PNPLA7: variants seen among roughly 807,000 people sequenced by gnomAD.
PNPLA7 encodes the protein patatin-like phospholipase domain-containing protein 7.
In PNPLA7, 153 loss-of-function variants were observed where a neutral mutation model predicts 161.7. That is an observed-to-expected ratio of 0.95 (90% CI 0.83 to 1.08). The LOEUF is 1.08. PNPLA7 is among the 50% of genes least tolerant of loss of function. The pLI is 0.00. For missense variants in PNPLA7, 1,739 were observed against 1,856.6 expected, an observed-to-expected ratio of 0.94 and a Z score of 1.16; for synonymous variants, 809 against 782.1, an observed-to-expected ratio of 1.03 and a Z score of -0.57.
rs142136906 is a variant in PNPLA7 at position 137,492,035 on chromosome 9, C to T, written c.2197+978G>A. On this transcript the variant is annotated intron_variant, in intron 20 of 34. Coordinates refer to ENST00000406427, the MANE Select transcript of PNPLA7 (RefSeq NM_001098537.3). ...GGCAGAAGGCAGGAGAGAGGAGCTC[C>T]CAGAATGGCAAGGGGATCTGGGGTC... 1,169 of 985,326 alleles carry T rather than the reference C, an allele frequency of 1.2e-3. 1 individual carries two copies. The highest frequency in any genetic ancestry group is 1.3e-3 in the Non-Finnish European group (1,117 of 829,906). The allele number at this position is 985,326 out of a possible 1,614,324, so 61.0% of individuals were successfully genotyped here.
rs200121149 is a variant in PNPLA7, at chr9:137,540,677, C to T, written c.712G>A (p.Val238Ile). 17 of 1,611,986 alleles carry T rather than the reference C, an allele frequency of 1.1e-5. No homozygotes were observed. The highest frequency in any genetic ancestry group is 3.3e-5 in the Admixed American group (2 of 59,858). The change falls in exon 8 of 35, where the codon GTC becomes ATC. Residue 238 changes from valine (V) to isoleucine (I), a missense_variant. By Grantham distance (29) the Val-to-Ile change is conservative. Transcript: ENST00000406427. The surrounding 1 kb of genome is among the most constrained non-coding windows in gnomAD (Gnocchi z 5.1). ...TCCAGGATGCTGAGCAGGCTGTGGA[C>T]GCTGTCTCCCGCCAGAACCTCTTTC... is the stretch of plus-strand genomic sequence containing the variant. Reference protein sequence around the residue: ...VVKEVLAGDSVHSLLSILDII... With the variant: ...VVKEVLAGDSIHSLLSILDII...
rs1831110336 is a variant in PNPLA7, at chr9:137,460,279, G to C, written c.*114C>G. 2.8e-6 allele frequency: 3 copies of C among 1,089,356 alleles called. No homozygotes were observed. Among genetic ancestry groups the C allele is most frequent in the Non-Finnish European group, 3.9e-6 (3 of 764,534 alleles). The allele number at this position is 1,089,356 out of a possible 1,614,324, so 67.5% of individuals were successfully genotyped here. A position where few individuals can be genotyped will look rare whatever the true frequency, so the allele number is the denominator to read the frequency against. ...CCCTAACACAGCCTGGGGCCCCGGG[G>C]AAGTCAGGGCTTCCAGCAGGGCAGG... On this transcript the variant is annotated 3_prime_UTR_variant, in exon 35 of 35. Transcript: ENST00000406427.
At chr9:137,463,621 G>T in intron 28 of PNPLA7, 90 bp from the exon 29 acceptor site, 1 of 957,986 alleles carries the variant, frequency 1.0e-6, no homozygotes, top group Non-Finnish European at 1.6e-6. Flanking sequence ...TCCTGGAGCT[G>T]GTAGGTCCCA....
At chr9:137,506,248 T>C (rs1157752102) in intron 12 of PNPLA7, among the ~76,000 whole-genome samples, 165 bp from the exon 13 acceptor site, 1 of 152,238 alleles carries the variant, frequency 6.6e-6, no homozygotes, top group Non-Finnish European at 1.5e-5. Context: ...TTTCGGCATC[T>C]GCCTCAATGG....
intron 14 of PNPLA7, among the ~76,000 whole-genome samples, chr9:137,504,832 G>T (rs947401339): frequency 6.6e-6 from 1 of 152,142 alleles, no homozygotes; most frequent in Non-Finnish European, 1.5e-5. Flanking sequence ...TGGTAATTAC[G>T]GAATTGGGTG....
At chr9:137,485,956 A>G (rs540529416) in intron 20 of PNPLA7, among the ~76,000 whole-genome samples, 20 of 152,074 alleles carry the variant, frequency 1.3e-4, no homozygotes, top group African/African-American at 4.6e-4. Context: ...CTGCTTCCAC[A>G]GAAGAGGTTG....
At position 137,541,440 on chromosome 9, in the gene PNPLA7, G is replaced by A. The variant is rs919490993; in HGVS notation, c.667-718C>T. 3.0e-6 allele frequency: 3 copies of A among 985,346 alleles called. No homozygotes were observed. The highest frequency in any genetic ancestry group is 3.5e-5 in the African/African-American group (2 of 57,246). The allele number at this position is 985,346 out of a possible 1,614,324, so 61.0% of individuals were successfully genotyped here. A position where few individuals can be genotyped will look rare whatever the true frequency, so the allele number is the denominator to read the frequency against. On this transcript the variant is annotated intron_variant, in intron 7 of 34. Coordinates refer to ENST00000406427, the MANE Select transcript of PNPLA7 (RefSeq NM_001098537.3). The surrounding 1 kb of genome is among the most constrained non-coding windows in gnomAD (Gnocchi z 4.4). ...ACCTGAGAACCAAATAATTTGCCCAGCAGCGCTTTTGGTCTAGAAACCCCG... is the reference window on the plus strand; with the variant it reads ...ACCTGAGAACCAAATAATTTGCCCAACAGCGCTTTTGGTCTAGAAACCCCG...
chr9:137,466,771 C>T (rs1588535650), intron 26 of PNPLA7, among the ~76,000 whole-genome samples: 2 of 148,676 alleles, frequency 1.3e-5, no homozygotes, highest in Non-Finnish European at 3.0e-5. Flanking sequence ...CGGATCAGAC[C>T]GCCTCCCACC....
At position 137,497,331 on chromosome 9, in the gene PNPLA7, C is replaced by T. The variant is rs187756030; in HGVS notation, c.1890-21G>A. ...CCTGCCTGCGGAAGACACAGAGGCCCTGCAGCCCTGGGCCCCCAGCCTCAG... is the reference window on the plus strand; with the variant it reads ...CCTGCCTGCGGAAGACACAGAGGCCTTGCAGCCCTGGGCCCCCAGCCTCAG... On this transcript the variant is annotated intron_variant, in intron 17 of 34. Coordinates refer to ENST00000406427, the MANE Select transcript of PNPLA7 (RefSeq NM_001098537.3). 320 of 1,523,486 alleles carry T rather than the reference C, an allele frequency of 2.1e-4. 1 individual carries two copies. The East Asian group carries it at 5.6e-3, about 26-fold the overall frequency. 94.4% of individuals were successfully genotyped at this position (1,523,486 alleles called of 1,614,324 possible). A position where few individuals can be genotyped will look rare whatever the true frequency, so the allele number is the denominator to read the frequency against.
intron 20 of PNPLA7, among the ~76,000 whole-genome samples, chr9:137,485,166 G>T (rs1234955635): frequency 7.9e-5 from 12 of 152,274 alleles, no homozygotes; most frequent in Admixed American, 7.8e-4. Flanking sequence ...GCCCCACACA[G>T]CAGGTCTGAC....
In PNPLA7 at chr9:137,480,429, G is replaced by T. The variant is rs1160335103; in HGVS notation, c.2463C>A (p.His821Gln). The T allele has an allele frequency of 2.5e-6, 4 of 1,613,060 alleles. No homozygotes were observed. The highest frequency in any genetic ancestry group is 3.4e-6 in the Non-Finnish European group (4 of 1,179,638). The change falls in exon 23 of 35, where the codon CAC (histidine) becomes CAA (glutamine). Residue 821 changes from histidine (H) to glutamine (Q), a missense_variant. His to Gln is a conservative substitution (Grantham distance 24). This residue lies in a region of PNPLA7 where 192 missense variants were observed against 249.5 expected (regional missense o/e 0.77). Transcript: ENST00000406427. ...CATCTGCCTGGTAGAGCACGATCCT[G>T]TGGGTGTCCTCCTGCTGCCCCAGCC... ...SSWLGQQEDTHRIVLYQADGT... is the reference protein window; with the variant it reads ...SSWLGQQEDTQRIVLYQADGT...
At chr9:137,509,597 CAA>C in intron 12 of PNPLA7, 1 of 354,742 alleles carries the variant, frequency 2.8e-6, no homozygotes, top group Non-Finnish European at 6.0e-6. Context: ...TTAGCTGGTA[CAA>C]ATGAGTTTAG....
At position 137,500,150 on chromosome 9, in the gene PNPLA7, C is replaced by G. The variant is rs1298582375; in HGVS notation, c.1757+541G>C. On this transcript the variant is annotated intron_variant, in intron 16 of 34. Transcript: ENST00000406427. This position sits in a 1 kb window ranked among gnomAD's most constrained non-coding sequence, Gnocchi z 5.5. Reference sequence around the variant, plus strand: ...CTGGGGTCAAGTGGACAGATGTCTTCCAGCCCGGAGCCTGGAAGGCGACAC... The same window carrying G: ...CTGGGGTCAAGTGGACAGATGTCTTGCAGCCCGGAGCCTGGAAGGCGACAC... Among the ~76,000 whole-genome samples, 1 of 152,242 alleles carries G rather than the reference C, an allele frequency of 6.6e-6. No homozygotes were observed. The highest frequency in any genetic ancestry group is 1.5e-5 in the Non-Finnish European group (1 of 68,040).
chr9:137,532,270 C>T (rs1334937985), intron 8 of PNPLA7, among the ~76,000 whole-genome samples: 1 of 152,076 alleles, frequency 6.6e-6, no homozygotes, highest in East Asian at 1.9e-4. Context: ...AACCTTGTTT[C>T]TACTAAAAAT....
Position 137,497,587 on chromosome 9 carries a change from G to A in PNPLA7, c.1890-277C>T, listed in dbSNP as rs1274621161. Among the ~76,000 whole-genome samples the A allele has an allele frequency of 2.6e-5, 4 of 152,366 alleles. No individual in the cohort carries two copies. In the East Asian group the frequency reaches 7.7e-4, roughly 29 times the overall value. On this transcript the variant is annotated intron_variant, in intron 17 of 34. Coordinates refer to ENST00000406427, the MANE Select transcript of PNPLA7 (RefSeq NM_001098537.3). ...CTGTCGCCCAGGCTGAAGTGCAGTG[G>A]CACGACCTCGGCTCACTGCAACCTC...
At position 137,480,475 on chromosome 9, in the gene PNPLA7, T is replaced by C. The variant is rs778172282; in HGVS notation, c.2417A>G (p.His806Arg). ...RLGSAALDSV[H>R]EYRLSSWLGQ... ...CAGCCAGCTGGACAGCCGGTACTCG[T>C]GAACACTGCAGCACGCAGAGGGAGT... is the stretch of plus-strand genomic sequence containing the variant. Residue 806 changes from histidine to arginine, a missense_variant, in exon 23 of 35, where the codon CAC becomes CGC. By Grantham distance (29) the His-to-Arg change is conservative. This residue lies in a region of PNPLA7 where 192 missense variants were observed against 249.5 expected (regional missense o/e 0.77). Coordinates refer to ENST00000406427, the MANE Select transcript of PNPLA7 (RefSeq NM_001098537.3). 36 of 1,610,368 alleles carry C rather than the reference T, an allele frequency of 2.2e-5. No homozygotes were observed. The highest frequency in any genetic ancestry group is 3.3e-4 in the Middle Eastern group (2 of 6,062).
chr9:137,541,287 G>T lies in PNPLA7; in HGVS notation c.667-565C>A. The T allele has an allele frequency of 3.4e-6, 1 of 295,462 alleles. No individual in the cohort carries two copies. Among genetic ancestry groups the T allele is most frequent in the Non-Finnish European group, 5.0e-6 (1 of 199,434 alleles). 18.3% of individuals were successfully genotyped at this position (295,462 alleles called of 1,614,324 possible). On this transcript the variant is annotated intron_variant, in intron 7 of 34. Coordinates refer to ENST00000406427, the MANE Select transcript of PNPLA7 (RefSeq NM_001098537.3). The surrounding 1 kb of genome is among the most constrained non-coding windows in gnomAD (Gnocchi z 4.4). ...CTGGTCCTTCAGGAGGGCCCCGCAC[G>T]AGCGGCAACGAAAGCCGCTGCTTCA...
At chr9:137,469,372 A>T (rs1831614332) in intron 25 of PNPLA7, among the ~76,000 whole-genome samples, 1 of 152,226 alleles carries the variant, frequency 6.6e-6, no homozygotes, top group South Asian at 2.1e-4. Flanking sequence ...CAGAAAGCAG[A>T]CAGGGAGGGA....
At chr9:137,487,779 C>G (rs970834226) in intron 20 of PNPLA7, among the ~76,000 whole-genome samples, 4 of 152,254 alleles carry the variant, frequency 2.6e-5, no homozygotes, top group Non-Finnish European at 5.9e-5. Flanking sequence ...CCAACCCCAG[C>G]TGGCCCCCGA....
Sources: allele counts gnomAD v4.1 joint callset (sites outside exome capture counted in the v4.1 genomes callset), GRCh38; gene constraint gnomAD v4.1.1; regional missense constraint gnomAD v4.1.1; non-coding constraint Gnocchi (gnomAD v3.1); transcripts MANE v1.5; gene names NCBI Gene and HGNC (gene_info 2026-07-23, HGNC 2026-07-21).